Variants in HOMER2 observed in about 807,000 individuals in gnomAD.
HOMER2 encodes the protein homer protein homolog 2.
A neutral mutation model predicts 47.0 loss-of-function variants in HOMER2; 27 were observed. The observed-to-expected ratio is 0.57, with a 90% CI of 0.42 to 0.79. The LOEUF (loss-of-function observed/expected upper bound fraction) is 0.79. HOMER2 is among the 30% of genes least tolerant of loss of function. The pLI is 0.00. For missense variants in HOMER2, 443 were observed against 435.0 expected (o/e 1.02, Z -0.16); for synonymous variants, 161 against 163.8 (o/e 0.98, Z 0.13).
At chr15:82,942,968 C>T (rs531968677) in intron 1 of HOMER2, among the ~76,000 whole-genome samples, 1 of 152,250 alleles carries the variant, frequency 6.6e-6, no homozygotes, top group African/African-American at 2.4e-5. Context: ...AAGGCAGCCA[C>T]ACAGTGGCTG....
chr15:82,924,360 CT>C (rs11318640), intron 1 of HOMER2, among the ~76,000 whole-genome samples: 30,102 of 127,496 alleles, frequency 0.24, 3,007 homozygotes, highest in East Asian at 0.52. Context: ...TGTGCTGGCC[CT>C]TTTTTTTTTT....
At chr15:82,940,686 G>T (rs2054245869) in intron 1 of HOMER2, among the ~76,000 whole-genome samples, 1 of 152,036 alleles carries the variant, frequency 6.6e-6, no homozygotes, top group South Asian at 2.1e-4. Flanking sequence ...AGCTTGCAGT[G>T]AGCTGAGATG....
intron 1 of HOMER2, among the ~76,000 whole-genome samples, chr15:82,900,015 G>C (rs549183248): frequency 2.6e-5 from 4 of 152,002 alleles, no homozygotes; most frequent in African/African-American, 7.2e-5. Context: ...CAGTAGGTGA[G>C]ACTCCATCTC....
intron 1 of HOMER2, among the ~76,000 whole-genome samples, chr15:82,896,869 A>G (rs1348414975): frequency 6.6e-6 from 1 of 152,158 alleles, no homozygotes; most frequent in Non-Finnish European, 1.5e-5. Context: ...GGCAAAAAAG[A>G]AAGGCAAGGA....
chr15:82,849,984 C>T (rs2051339072), intron 8 of HOMER2, 81 bp from the exon 9 acceptor site: 1 of 1,417,058 alleles, frequency 7.1e-7, no homozygotes, highest in South Asian at 1.3e-5. Flanking sequence ...CTGAACCAAC[C>T]ATTCTCCATC....
chr15:82,983,478 A>G (rs543217085), intron 1 of HOMER2, among the ~76,000 whole-genome samples: 1 of 152,268 alleles, frequency 6.6e-6, no homozygotes, highest in Non-Finnish European at 1.5e-5. Context: ...TTACAAATGT[A>G]TTTGGGCTCT....
chr15:82,848,272 A>G (rs1359815915), downstream of HOMER2, among the ~76,000 whole-genome samples: 5 of 152,096 alleles, frequency 3.3e-5, no homozygotes, highest in Admixed American at 3.3e-4. Context: ...CAGCAGGGAG[A>G]AAGTCTAACC....
At chr15:82,942,294 T>C (rs1403744310) in intron 1 of HOMER2, among the ~76,000 whole-genome samples, 3 of 152,194 alleles carry the variant, frequency 2.0e-5, no homozygotes, top group Non-Finnish European at 4.4e-5. Context: ...GTACTCAACA[T>C]TCAGGTGATG....
At chr15:82,933,427 G>T (rs891832959) in intron 1 of HOMER2, among the ~76,000 whole-genome samples, 3 of 152,086 alleles carry the variant, frequency 2.0e-5, no homozygotes, top group Non-Finnish European at 4.4e-5. Context: ...AAAATGACTG[G>T]TAGGGAAGAG....
rs35191408 is a variant in HOMER2 at position 82,910,132 on chromosome 15, CAAAAAAAAAAAAA to C, written c.6-17304_6-17292del. Among the ~76,000 whole-genome samples, 28 of 22,128 alleles carry C rather than the reference CAAAAAAAAAAAAA, an allele frequency of 1.3e-3. No homozygotes were observed. The East Asian group carries it at 0.022, about 17-fold the overall frequency. 14.5% of individuals were successfully genotyped at this position (22,128 alleles called of 152,430 possible). On this transcript the variant is annotated intron_variant, in intron 1 of 8. Transcript: ENST00000450735. ...TGGGTAACAGAGCAAGATTCTGTCT[CAAAAAAAAAAAAA>C]AAAAAAAAAAAAAAAGGCTAACTTG...
intron 5 of HOMER2, among the ~76,000 whole-genome samples, chr15:82,857,070 G>A (rs75670309): frequency 2.6e-5 from 4 of 152,108 alleles, no homozygotes; most frequent in African/African-American, 9.6e-5. Flanking sequence ...AAATTCATAC[G>A]TTGAAACCCT....
intron 2 of HOMER2, among the ~76,000 whole-genome samples, chr15:82,891,145 G>A (rs1300782794): frequency 3.3e-5 from 5 of 152,124 alleles, no homozygotes; most frequent in African/African-American, 7.2e-5. Context: ...CACACTACCC[G>A]CCTGATAGGT....
intron 3 of HOMER2, among the ~76,000 whole-genome samples, chr15:82,869,868 A>C (rs576721862): frequency 1.3e-5 from 2 of 152,320 alleles, no homozygotes; most frequent in East Asian, 3.9e-4. Context: ...GTTATAAATG[A>C]TGCTGCAATC....
At chr15:82,875,458 C>A in intron 2 of HOMER2, 54 bp from the exon 3 acceptor site, 1 of 1,592,344 alleles carries the variant, frequency 6.3e-7, no homozygotes, top group South Asian at 1.1e-5. Flanking sequence ...GAGACAAAGT[C>A]ATTCCTTAGA....
chr15:82,855,827 A>C (rs1375107903), intron 5 of HOMER2, among the ~76,000 whole-genome samples: 2 of 152,218 alleles, frequency 1.3e-5, no homozygotes, highest in Non-Finnish European at 2.9e-5. Flanking sequence ...CGTTTAAAAC[A>C]AAACCAAACT....
intron 1 of HOMER2, among the ~76,000 whole-genome samples, chr15:82,907,194 A>G (rs183103377): frequency 1.3e-5 from 2 of 152,210 alleles, no homozygotes; most frequent in Non-Finnish European, 2.9e-5. Flanking sequence ...TGTCTCTACT[A>G]AAAATACAAA....
intron 3 of HOMER2, among the ~76,000 whole-genome samples, chr15:82,872,982 T>G (rs1366183461): frequency 6.6e-6 from 1 of 152,148 alleles, no homozygotes; most frequent in Non-Finnish European, 1.5e-5. Flanking sequence ...AACAGAATAT[T>G]TCAAACTAGG....
chr15:82,954,053 G>A (rs2151245233), upstream of HOMER2, among the ~76,000 whole-genome samples: 1 of 152,184 alleles, frequency 6.6e-6, no homozygotes, highest in South Asian at 2.1e-4. Context: ...CTCTAGCCTG[G>A]TGAAAAGAGC....
Position 82,890,601 on chromosome 15 carries a change from T to A in HOMER2, c.162+2084A>T, listed in dbSNP as rs186257886. ...ATATTTGGCTTGAACCCCACCACATTGTCACAGCCTTCAGGAACTGCAGAG... is the reference window on the plus strand; with the variant it reads ...ATATTTGGCTTGAACCCCACCACATAGTCACAGCCTTCAGGAACTGCAGAG... On this transcript the variant is annotated intron_variant, in intron 2 of 8. Transcript: ENST00000450735. Among the ~76,000 whole-genome samples, 30 of 152,282 alleles carry A rather than the reference T, an allele frequency of 2.0e-4. 1 individual carries two copies. In the East Asian group the frequency reaches 5.6e-3, roughly 28 times the overall value.
Sources: gnomAD v4.1 joint callset for allele counts (sites outside exome capture counted in the v4.1 genomes callset) on GRCh38, gnomAD v4.1.1 for gene constraint, MANE v1.5 for transcripts, NCBI Gene and HGNC (gene_info 2026-07-23, HGNC 2026-07-21) for gene names.